Variants in WNT7B observed in about 807,000 individuals in gnomAD.
WNT7B encodes Wnt family member 7B.
WNT7B carries 19 observed loss-of-function variants against 38.2 expected under a neutral mutation model. The observed-to-expected ratio is 0.50, with a 90% confidence interval of 0.35 to 0.73. The LOEUF (loss-of-function observed/expected upper bound fraction) is 0.73, where lower values mean the gene tolerates loss of function less well. WNT7B is among the 30% of genes least tolerant of loss of function. The pLI is 0.01. For missense variants in WNT7B, 423 were observed against 507.9 expected (o/e 0.83, Z 1.61); for synonymous variants, 243 against 209.3 (o/e 1.16, Z -1.39).
At chr22:45,970,306 G>A (rs1932405465) in intron 1 of WNT7B, among the ~76,000 whole-genome samples, 2 of 152,218 alleles carry the variant, frequency 1.3e-5, no homozygotes, top group Admixed American at 1.3e-4. Context: ...TGTTTCCTTA[G>A]GAGAATTTCT....
intron 2 of WNT7B, among the ~76,000 whole-genome samples, chr22:45,931,835 C>T (rs541589590): frequency 4.8e-4 from 73 of 152,214 alleles, no homozygotes; most frequent in African/African-American, 1.6e-3. Context: ...CACTGACCCC[C>T]GTGGGGACCA....
At chr22:45,959,473 T>C (rs1932146406) in intron 1 of WNT7B, among the ~76,000 whole-genome samples, 2 of 152,118 alleles carry the variant, frequency 1.3e-5, no homozygotes, top group Non-Finnish European at 2.9e-5. Context: ...CAGGACAAGC[T>C]GTGTCTTTCT....
rs568764992 is a variant in WNT7B at position 45,960,573 on chromosome 22, C to T, written c.72-10427G>A. 4.2e-3 allele frequency among the ~76,000 whole-genome samples: 642 copies of T among 152,370 alleles called. 3 individuals are homozygous for T. Among genetic ancestry groups the T allele is most frequent in the African/African-American group, 0.014 (596 of 41,590 alleles). ...TGATCTTCAGCCTCCCTCCCGGCCC[C>T]TGGCCCTGGCTGCCGGGCGGCCCTG... On this transcript the variant is annotated intron_variant, in intron 1 of 3. Coordinates refer to ENST00000339464, the MANE Select transcript of WNT7B (RefSeq NM_058238.3).
At chr22:45,930,324 C>A (rs781740735) in intron 3 of WNT7B, among the ~76,000 whole-genome samples, 1 of 152,246 alleles carries the variant, frequency 6.6e-6, no homozygotes, top group Non-Finnish European at 1.5e-5. Flanking sequence ...TTGCCTGGAA[C>A]GGCAAGTCTG....
At chr22:45,923,365 G>C (rs199595914) in intron 3 of WNT7B, 30 bp from the exon 4 acceptor site, 9 of 1,572,762 alleles carry the variant, frequency 5.7e-6, no homozygotes, top group Admixed American at 3.4e-5. Flanking sequence ...TGCTCGGCAC[G>C]GCATGGCCCA....
At chr22:45,949,134 A>G (rs77118704) in intron 2 of WNT7B, among the ~76,000 whole-genome samples, 4,672 of 152,056 alleles carry the variant, frequency 0.031, 215 homozygotes, top group African/African-American at 0.11. Context: ...TCCGGCCCAA[A>G]AGTCACTTTT....
chr22:45,949,629 C>G (rs1351121752), intron 2 of WNT7B, among the ~76,000 whole-genome samples: 1 of 152,234 alleles, frequency 6.6e-6, no homozygotes, highest in African/African-American at 2.4e-5. Context: ...ACCGCGCCAC[C>G]AGCCTACAGG....
intron 1 of WNT7B, among the ~76,000 whole-genome samples, chr22:45,958,087 C>A (rs1029456133): frequency 9.2e-5 from 14 of 152,264 alleles, no homozygotes; most frequent in Non-Finnish European, 1.3e-4. Context: ...CGTGCCCAGC[C>A]TGGCACTCAG....
intron 1 of WNT7B, among the ~76,000 whole-genome samples, chr22:45,974,840 T>C (rs1319359318): frequency 6.6e-6 from 1 of 152,116 alleles, no homozygotes; most frequent in Non-Finnish European, 1.5e-5. Flanking sequence ...TGGCCAGAGC[T>C]GCAATCCCTG....
chr22:45,977,046 G>T lies in WNT7B; in HGVS notation c.-292C>A. ...CTGCAAGCGCGGGCCGGGGGCCCGG[G>T]CGCGGCTGGCGGGCGGGTGCAGCCT... is the stretch of plus-strand genomic sequence containing the variant. On this transcript the variant is annotated 5_prime_UTR_variant, in exon 1 of 4. Coordinates refer to ENST00000339464, the MANE Select transcript of WNT7B (RefSeq NM_058238.3). The T allele has an allele frequency of 2.0e-6, 2 of 983,224 alleles. No individual in the cohort carries two copies. The highest frequency in any genetic ancestry group is 2.4e-6 in the Non-Finnish European group (2 of 828,470). The allele number at this position is 983,224 out of a possible 1,614,324, so 60.9% of individuals were successfully genotyped here.
rs1569111251 is a variant in WNT7B at position 45,929,685 on chromosome 22, CTT to C, written c.570+1411_570+1412del. ...CCACCCGCCCATCCTTCCCTCCATA[CTT>C]CCATCCACCCATCTTTCCATCCACC... On this transcript the variant is annotated intron_variant, in intron 3 of 3. Transcript: ENST00000339464. 5.8e-3 allele frequency among the ~76,000 whole-genome samples: 651 copies of C among 111,860 alleles called. 4 individuals are homozygous for C. The highest frequency in any genetic ancestry group is 0.02 in the African/African-American group (614 of 31,080). The allele number at this position is 111,860 out of a possible 152,430, so 73.4% of individuals were successfully genotyped here. A position where few individuals can be genotyped will look rare whatever the true frequency, so the allele number is the denominator to read the frequency against.
At chr22:45,946,331 G>T (rs866012960) in intron 2 of WNT7B, among the ~76,000 whole-genome samples, 89 of 152,308 alleles carry the variant, frequency 5.8e-4, no homozygotes, top group African/African-American at 2.1e-3. Flanking sequence ...AGTCTGGCCT[G>T]GGTCACCCCC....
At chr22:45,939,649 T>A (rs9330791) in intron 2 of WNT7B, among the ~76,000 whole-genome samples, 52,879 of 100,754 alleles carry the variant, frequency 0.52, 10,372 homozygotes, top group East Asian at 0.76. Flanking sequence ...ACACACACAC[T>A]CACACACACA....
chr22:45,942,855 CTG>C lies in WNT7B; in HGVS notation c.298+7063_298+7064del, dbSNP rs71190685. 5.4e-3 allele frequency among the ~76,000 whole-genome samples: 810 copies of C among 151,008 alleles called. 13 individuals are homozygous for C. Among genetic ancestry groups the C allele is most frequent in the African/African-American group, 0.018 (753 of 41,172 alleles). On this transcript the variant is annotated intron_variant, in intron 2 of 3. Coordinates refer to ENST00000339464, the MANE Select transcript of WNT7B (RefSeq NM_058238.3). ...GGCCTGGGTGCAGCCTGAGTGGGTG[CTG>C]TGTGTGTGTGTGTGCGTGTGTGCAT...
intron 2 of WNT7B, chr22:45,935,813 GC>G: frequency 2.0e-6 from 2 of 985,196 alleles, no homozygotes; most frequent in Non-Finnish European, 2.4e-6. Context: ...TTTGCAATAG[GC>G]CCATGGCAGT....
At position 45,976,579 on chromosome 22, in the gene WNT7B, G is replaced by A. The variant is rs1478359117; in HGVS notation, c.71+105C>T. On this transcript the variant is annotated intron_variant, in intron 1 of 3. Transcript: ENST00000339464. This position sits in a 1 kb window ranked among gnomAD's most constrained non-coding sequence, Gnocchi z 8.5. The stretch of plus-strand genomic sequence containing the variant: ...GGCCAGCCCCGGAGCCCAGAGAGCT[G>A]CAGTGGCCCCCTCCAGTCCCCACGT... 16 of 1,250,226 alleles carry A rather than the reference G, an allele frequency of 1.3e-5. No individual in the cohort carries two copies. Among genetic ancestry groups the A allele is most frequent in the Admixed American group, 8.2e-5 (4 of 49,062 alleles). 77.4% of individuals were successfully genotyped at this position (1,250,226 alleles called of 1,614,324 possible).
rs1931110882 is a variant in WNT7B, at chr22:45,927,157, C to G, written c.571-3822G>C. 3 of 985,244 alleles carry G rather than the reference C, an allele frequency of 3.0e-6. No individual in the cohort carries two copies. The African/African-American group carries it at 5.2e-5, about 17-fold the overall frequency. The allele number at this position is 985,244 out of a possible 1,614,324, so 61.0% of individuals were successfully genotyped here. A position where few individuals can be genotyped will look rare whatever the true frequency, so the allele number is the denominator to read the frequency against. ...GGCCTCTGTCTGCCCTGCTGACCTG[C>G]CTGCCCCACGTAGCAGTGGGGACCA... On this transcript the variant is annotated intron_variant, in intron 3 of 3. Transcript: ENST00000339464.
intron 3 of WNT7B, among the ~76,000 whole-genome samples, chr22:45,929,170 C>G (rs1485219369): frequency 1.3e-5 from 2 of 152,134 alleles, no homozygotes; most frequent in Non-Finnish European, 2.9e-5. Context: ...TCTCCTCTTT[C>G]TCCTCCTCCT....
At chr22:45,925,665 C>A in intron 3 of WNT7B, 1 of 985,408 alleles carries the variant, frequency 1.0e-6, no homozygotes, top group Non-Finnish European at 1.2e-6. Flanking sequence ...CCTCCACTAA[C>A]CTGCCCTTCA....
Sources: gnomAD v4.1 joint callset for allele counts (sites outside exome capture counted in the v4.1 genomes callset) on GRCh38, gnomAD v4.1.1 for gene constraint, Gnocchi (gnomAD v3.1) non-coding constraint, MANE v1.5 for transcripts, NCBI Gene and HGNC (gene_info 2026-07-23, HGNC 2026-07-21) for gene names.